FGFR3: variants seen among roughly 807,000 people sequenced by gnomAD.
FGFR3 encodes fibroblast growth factor receptor 3.
FGFR3 carries 25 observed loss-of-function variants against 82.9 expected under a neutral mutation model. That is an observed-to-expected ratio of 0.30 (90% CI 0.22 to 0.42). FGFR3 has a LOEUF of 0.42. Ranked by LOEUF, FGFR3 falls within the 10% of genes least tolerant of loss-of-function variation. The pLI is 1.00. For synonymous variants in FGFR3, 620 were observed against 516.0 expected, an observed-to-expected ratio of 1.20 and a Z score of -2.73; for missense variants, 1,026 against 1,161.0, an observed-to-expected ratio of 0.88 and a Z score of 1.69.
rs772558079 is a variant in FGFR3, at chr4:1,805,893, T to G, written c.1789T>G (p.Cys597Gly). The change falls in exon 13 of 18, where the codon TGT (cysteine) becomes GGT (glycine). Residue 597 changes from cysteine (C) to glycine (G), a missense_variant. Transcript: ENST00000440486. ...EQLTFKDLVS[C>G]AYQVARGMEY... ...GCTCACCTTCAAGGACCTGGTGTCCTGTGCCTACCAGGTGGCCCGGGGCAT... is the reference window on the plus strand; with the variant it reads ...GCTCACCTTCAAGGACCTGGTGTCCGGTGCCTACCAGGTGGCCCGGGGCAT... The G allele has an allele frequency of 6.2e-7, 1 of 1,612,414 alleles. No homozygotes were observed. The highest frequency in any genetic ancestry group is 1.1e-5 in the South Asian group (1 of 91,036).
chr4:1,799,273 C>A lies in FGFR3; in HGVS notation c.129C>A (p.Pro43=). Residue 43 remains proline, a synonymous_variant, in exon 3 of 18, where the codon CCC becomes CCA. Transcript: ENST00000440486. ...GRAAEVPGPE[P]GQQEQLVFGS... ...CCACAGAAGTCCCGGGCCCAGAGCC[C>A]GGCCAGCAGGAGCAGTTGGTCTTCG... The A allele has an allele frequency of 6.2e-7, 1 of 1,612,610 alleles. No individual in the cohort carries two copies. Among genetic ancestry groups the A allele is most frequent in the Non-Finnish European group, 8.5e-7 (1 of 1,179,964 alleles).
At chr4:1,799,900 A>G (rs1577269745) in intron 4 of FGFR3, 88 bp downstream of exon 4, 1 of 1,469,754 alleles carries the variant, frequency 6.8e-7, no homozygotes, top group South Asian at 1.2e-5. Flanking sequence ...CTGAGGGACT[A>G]AGGCCCCGGA....
intron 2 of FGFR3, among the ~76,000 whole-genome samples, chr4:1,797,841 G>C (rs1469178843): frequency 6.6e-6 from 1 of 152,198 alleles, no homozygotes; most frequent in Non-Finnish European, 1.5e-5. Flanking sequence ...CTGGGCACTA[G>C]GCGTGTGTGG....
At position 1,803,849 on chromosome 4, in the gene FGFR3, G is replaced by C. The variant is rs531787175; in HGVS notation, c.1075+13G>C. 1 of 1,597,196 alleles carries C rather than the reference G, an allele frequency of 6.3e-7. No individual in the cohort carries two copies. Among genetic ancestry groups the C allele is most frequent in the South Asian group, 1.1e-5 (1 of 90,734 alleles). ...GTGGTGCTGCCAGGTACCGGCTTCT[G>C]CTGCTGCTGCTGCTCCGCACTGTCT... On this transcript the variant is annotated intron_variant, in intron 8 of 17. Transcript: ENST00000440486.
rs1055720664 is a variant in FGFR3 at position 1,806,552 on chromosome 4, C to T, written c.2037C>T (p.Ser679=). Reference sequence around the variant, plus strand: ...ACCTCACCTTCCCCTGCAGCTGGTCCTTTGGGGTCCTGCTCTGGGAGATCT... The same window carrying T: ...ACCTCACCTTCCCCTGCAGCTGGTCTTTTGGGGTCCTGCTCTGGGAGATCT... ...RVYTHQSDVW[S]FGVLLWEIFT... The change falls in exon 16 of 18, where the codon TCC becomes TCT. Residue 679 remains serine (S), a synonymous_variant. Transcript: ENST00000440486. 3 of 1,612,970 alleles carry T rather than the reference C, an allele frequency of 1.9e-6. No individual in the cohort carries two copies. Among genetic ancestry groups the T allele is most frequent in the African/African-American group, 1.3e-5 (1 of 74,990 alleles).
In FGFR3 at chr4:1,793,879, G is replaced by T. The variant is rs1350193673; in HGVS notation, c.-56G>T. ...CCCGCCGGTGCCCGCGCCGGGCCGT[G>T]GGGGGCAGCATGCCCGCGCGCGCTG... is the stretch of plus-strand genomic sequence containing the variant. On this transcript the variant is annotated 5_prime_UTR_variant, in exon 2 of 18. Transcript: ENST00000440486. 1.2e-5 allele frequency: 8 copies of T among 677,808 alleles called. No individual in the cohort carries two copies. The highest frequency in any genetic ancestry group is 1.9e-5 in the African/African-American group (1 of 51,406). 42.0% of individuals were successfully genotyped at this position (677,808 alleles called of 1,614,324 possible). A position where few individuals can be genotyped will look rare whatever the true frequency, so the allele number is the denominator to read the frequency against.
Position 1,805,956 on chromosome 4 carries a change from G to T in FGFR3, c.1836+16G>T. 1 of 1,608,386 alleles carries T rather than the reference G, an allele frequency of 6.2e-7. No individual in the cohort carries two copies. The highest frequency in any genetic ancestry group is 8.5e-7 in the Non-Finnish European group (1 of 1,176,362). ...CTCCCAGAAGGTGGGCAGGGCGGCA[G>T]GTGTGGGTGGAGTAGGCTGGGCCCT... On this transcript the variant is annotated intron_variant, in intron 13 of 17. Transcript: ENST00000440486.
chr4:1,803,548 G>A (rs532487716), intron 7 of FGFR3, 144 bp from the exon 8 acceptor site: 22 of 1,405,832 alleles, frequency 1.6e-5, no homozygotes, highest in Middle Eastern at 2.5e-4. Context: ...CCTCAGCCGC[G>A]TGGCGGTGAC....
At chr4:1,806,770 G>T in intron 16 of FGFR3, 59 bp from the exon 17 acceptor site, 1 of 1,593,644 alleles carries the variant, frequency 6.3e-7, no homozygotes, top group Non-Finnish European at 8.5e-7. Flanking sequence ...CAGCCCTTCA[G>T]GCTGTTCCCG....
Position 1,793,920 on chromosome 4 carries a change from G to GC in FGFR3, c.-10dup. On this transcript the variant is annotated 5_prime_UTR_variant, in exon 2 of 18. Coordinates refer to ENST00000440486, the MANE Select transcript of FGFR3 (RefSeq NM_000142.5). ...GCGCGCGCTGCCTGAGGACGCCGCG[G>GC]CCCCCGCCCCCGCCATGGGCGCCCC... is the stretch of plus-strand genomic sequence containing the variant. 8.2e-7 allele frequency: 1 copy of GC among 1,223,396 alleles called. No individual in the cohort carries two copies. Among genetic ancestry groups the GC allele is most frequent in the Non-Finnish European group, 1.0e-6 (1 of 959,918 alleles). 75.8% of individuals were successfully genotyped at this position (1,223,396 alleles called of 1,614,324 possible). A position where few individuals can be genotyped will look rare whatever the true frequency, so the allele number is the denominator to read the frequency against.
intron 7 of FGFR3, chr4:1,803,088 C>A: frequency 1.9e-6 from 3 of 1,541,740 alleles, no homozygotes; most frequent in South Asian, 2.4e-5. Flanking sequence ...CCCATGCCGG[C>A]CGGCACAAGA....
intron 2 of FGFR3, among the ~76,000 whole-genome samples, chr4:1,797,691 G>A (rs1720679603): frequency 1.3e-5 from 2 of 152,222 alleles, no homozygotes; most frequent in African/African-American, 4.8e-5. Flanking sequence ...AGGACCGGAG[G>A]GCTGGAGGTC....
chr4:1,805,808 G>T lies in FGFR3; in HGVS notation c.1704G>T (p.Arg568=). The T allele has an allele frequency of 6.2e-7, 1 of 1,612,508 alleles. No homozygotes were observed. Among genetic ancestry groups the T allele is most frequent in the Non-Finnish European group, 8.5e-7 (1 of 1,179,834 alleles). Residue 568 remains arginine (R), a synonymous_variant, in exon 13 of 18, where the codon CGG becomes CGT. Coordinates refer to ENST00000440486, the MANE Select transcript of FGFR3 (RefSeq NM_000142.5). ...AGGGTAACCTGCGGGAGTTTCTGCG[G>T]GCGCGGCGGCCCCCGGGCCTGGACT... ...AAKGNLREFL[R]ARRPPGLDYS...
At chr4:1,805,040 A>T in intron 10 of FGFR3, 71 bp downstream of exon 10, 3 of 1,491,320 alleles carry the variant, frequency 2.0e-6, no homozygotes, top group Non-Finnish European at 2.7e-6. Flanking sequence ...CACCAGTCAG[A>T]GGCCCGGCTG....
At position 1,796,607 on chromosome 4, in the gene FGFR3, G is replaced by C. The variant is rs368097797; in HGVS notation, c.109+2564G>C. 1.6e-4 allele frequency among the ~76,000 whole-genome samples: 25 copies of C among 152,234 alleles called. 1 individual carries two copies. Among genetic ancestry groups the C allele is most frequent in the African/African-American group, 6.0e-4 (25 of 41,532 alleles). On this transcript the variant is annotated intron_variant, in intron 2 of 17. Transcript: ENST00000440486. ...GATCCTTGTTCTCTGGGGTCAACCCGAGGGGCTTATGATGGAGCAAGGCTC... is the reference window on the plus strand; with the variant it reads ...GATCCTTGTTCTCTGGGGTCAACCCCAGGGGCTTATGATGGAGCAAGGCTC...
intron 6 of FGFR3, 28 bp downstream of exon 6, chr4:1,801,771 G>C: frequency 1.3e-6 from 2 of 1,592,422 alleles, no homozygotes; most frequent in Non-Finnish European, 1.7e-6. Flanking sequence ...GCGCGGGGGT[G>C]GGGGCGGCAG....
intron 2 of FGFR3, among the ~76,000 whole-genome samples, chr4:1,798,171 C>G (rs1437883804): frequency 6.6e-6 from 1 of 152,090 alleles, no homozygotes; most frequent in Non-Finnish European, 1.5e-5. Context: ...TGGGCAGCTA[C>G]TGGGGAGGGA....
chr4:1,794,716 G>C (rs1720264653), intron 2 of FGFR3, among the ~76,000 whole-genome samples: 1 of 152,100 alleles, frequency 6.6e-6, no homozygotes, highest in Non-Finnish European at 1.5e-5. Context: ...CAAGGGGCGA[G>C]GGGAGGGGAA....
Position 1,807,846 on chromosome 4 carries a change from A to G in FGFR3, c.*584A>G. 2.3e-6 allele frequency: 1 copy of G among 436,576 alleles called. No individual in the cohort carries two copies. The highest frequency in any genetic ancestry group is 4.4e-6 in the Non-Finnish European group (1 of 229,588). 27.0% of individuals were successfully genotyped at this position (436,576 alleles called of 1,614,324 possible). A position where few individuals can be genotyped will look rare whatever the true frequency, so the allele number is the denominator to read the frequency against. On this transcript the variant is annotated 3_prime_UTR_variant, in exon 18 of 18. Transcript: ENST00000440486. ...CCTTTACCTTTTATGCAAAAGGTTT[A>G]TTCCGGAAACTAGTGTACATTTCTA...
Sources: allele counts gnomAD v4.1 joint callset (sites outside exome capture counted in the v4.1 genomes callset), GRCh38; gene constraint gnomAD v4.1.1; transcripts MANE v1.5; gene names NCBI Gene and HGNC (gene_info 2026-07-23, HGNC 2026-07-21).